Variants in STARD13 observed in about 807,000 individuals in gnomAD.
STARD13 encodes stAR-related lipid transfer protein 13.
In STARD13, 62 loss-of-function variants were observed where a neutral mutation model predicts 106.4. The observed-to-expected ratio is 0.58, with a 90% confidence interval of 0.48 to 0.72. STARD13 has a LOEUF of 0.72. Ranked by LOEUF, STARD13 falls within the 30% of genes least tolerant of loss-of-function variation. The pLI is 0.00. For missense variants in STARD13, 1,387 were observed against 1,424.0 expected (o/e 0.97, Z 0.42); for synonymous variants, 565 against 553.0 (o/e 1.02, Z -0.31).
At chr13:33,551,763 C>T in the STARD13 span, among the ~76,000 whole-genome samples, 1 of 151,440 alleles carries the variant, frequency 6.6e-6, no homozygotes, top group Non-Finnish European at 1.5e-5. Flanking sequence ...CATACTGGCT[C>T]ATTTTTGTAT....
At chr13:33,587,805 AG>A in the STARD13 span, among the ~76,000 whole-genome samples, 1 of 152,226 alleles carries the variant, frequency 6.6e-6, no homozygotes, top group Non-Finnish European at 1.5e-5. Context: ...GTTTGAACTG[AG>A]ATGTGCTTTC....
At chr13:33,485,214 A>C in the STARD13 span, among the ~76,000 whole-genome samples, 1 of 152,224 alleles carries the variant, frequency 6.6e-6, no homozygotes, top group Non-Finnish European at 1.5e-5. Context: ...ATAAGTAGAC[A>C]GCTAATAGTT....
the STARD13 span, among the ~76,000 whole-genome samples, chr13:33,662,142 A>G: frequency 6.6e-6 from 1 of 151,650 alleles, no homozygotes; most frequent in Non-Finnish European, 1.5e-5. Flanking sequence ...GGCGCCTATA[A>G]TCCCAGCTAC....
chr13:33,642,987 G>A, the STARD13 span, among the ~76,000 whole-genome samples: 6 of 152,122 alleles, frequency 3.9e-5, no homozygotes, highest in Admixed American at 2.6e-4. Flanking sequence ...TTAAGCAATC[G>A]CCCTGCAATG....
At chr13:33,359,879 A>G in the STARD13 span, among the ~76,000 whole-genome samples, 1 of 152,188 alleles carries the variant, frequency 6.6e-6, no homozygotes, top group South Asian at 2.1e-4. Flanking sequence ...TCATTCTTTA[A>G]AGTAATCTAG....
chr13:33,325,146 C>A (rs1381915220), intron 1 of STARD13, among the ~76,000 whole-genome samples: 2 of 152,066 alleles, frequency 1.3e-5, no homozygotes, highest in African/African-American at 4.8e-5. Flanking sequence ...TTATCACAGG[C>A]AGCTTGTCAT....
At chr13:33,261,016 C>T (rs1044097753) in intron 1 of STARD13, among the ~76,000 whole-genome samples, 11 of 152,178 alleles carry the variant, frequency 7.2e-5, no homozygotes, top group Admixed American at 1.3e-4. Context: ...TAACTATGAT[C>T]TAGTCATCTC....
chr13:33,527,026 G>A, the STARD13 span, among the ~76,000 whole-genome samples: 9 of 151,934 alleles, frequency 5.9e-5, no homozygotes, highest in South Asian at 2.1e-4. Context: ...ACAAGAAAGC[G>A]ACACAGCTAG....
the STARD13 span, among the ~76,000 whole-genome samples, chr13:33,565,897 T>A: frequency 6.7e-6 from 1 of 148,638 alleles, no homozygotes; most frequent in African/African-American, 2.5e-5. Context: ...AATTAATTAC[T>A]TTCTCCTTTA....
At chr13:33,635,697 C>T in the STARD13 span, among the ~76,000 whole-genome samples, 2 of 150,664 alleles carry the variant, frequency 1.3e-5, no homozygotes, top group East Asian at 4.0e-4. Flanking sequence ...AAACACTTAG[C>T]ACAGGCTGGG....
At chr13:33,219,603 G>A (rs1024968820) in intron 1 of STARD13, among the ~76,000 whole-genome samples, 3 of 150,432 alleles carry the variant, frequency 2.0e-5, no homozygotes, top group East Asian at 3.9e-4. Context: ...ATGCAGAGGC[G>A]GGAGGATCAC....
intron 1 of STARD13, among the ~76,000 whole-genome samples, chr13:33,184,252 C>T (rs868368093): frequency 2.0e-4 from 31 of 152,126 alleles, no homozygotes; most frequent in African/African-American, 6.5e-4. Flanking sequence ...TTTAGAGTTA[C>T]AGTGTGAGCT....
rs1178080303 is a variant in STARD13, at chr13:33,122,027, G to T, written c.2083-3764C>A. On this transcript the variant is annotated intron_variant, in intron 7 of 13. Coordinates refer to ENST00000336934, the MANE Select transcript of STARD13 (RefSeq NM_178006.4). The stretch of plus-strand genomic sequence containing the variant: ...TGCCCAGCTAACTTTTGTATTTTTA[G>T]TAGTGACAGGGTTTTACCATGTTGG... Among the ~76,000 whole-genome samples the T allele has an allele frequency of 5.3e-5, 8 of 152,242 alleles. No homozygotes were observed. In the East Asian group the frequency reaches 7.7e-4, roughly 15 times the overall value.
the STARD13 span, among the ~76,000 whole-genome samples, chr13:33,480,134 C>A: frequency 6.6e-6 from 1 of 152,164 alleles, no homozygotes; most frequent in Non-Finnish European, 1.5e-5. Flanking sequence ...TTATAACACA[C>A]ATATGCTATA....
chr13:33,130,044 C>G lies in STARD13; in HGVS notation c.633G>C (p.Gln211His), dbSNP rs771079342. Residue 211 changes from glutamine (Q) to histidine (H), a missense_variant, in exon 5 of 14, where the codon CAG becomes CAC. Gln to His is a conservative substitution (Grantham distance 24, BLOSUM62 0). Coordinates refer to ENST00000336934, the MANE Select transcript of STARD13 (RefSeq NM_178006.4). This position sits in a 1 kb window ranked among gnomAD's most constrained non-coding sequence, Gnocchi z 4.1. ...GGTTGTCTGTACAGCACTGGCCCGG[C>G]TGGCTGCGACTGTCGCTGCCTCCAC... ...ESSGGSDSRS[Q>H]PGQCCTDNPV... The G allele has an allele frequency of 1.2e-6, 2 of 1,613,556 alleles. No individual in the cohort carries two copies. The highest frequency in any genetic ancestry group is 1.7e-6 in the Non-Finnish European group (2 of 1,179,864).
intron 1 of STARD13, among the ~76,000 whole-genome samples, chr13:33,172,552 C>T (rs1032312014): frequency 6.6e-6 from 1 of 152,176 alleles, no homozygotes; most frequent in African/African-American, 2.4e-5. Context: ...GGTTTGCAGG[C>T]CTCATCTCAC....
the STARD13 span, among the ~76,000 whole-genome samples, chr13:33,670,195 A>G: frequency 4.8e-4 from 73 of 152,314 alleles, no homozygotes; most frequent in African/African-American, 1.7e-3. Context: ...GGCTTGGCAT[A>G]TAGTATGCCA....
At chr13:33,229,613 A>AC (rs1471532489) in intron 1 of STARD13, among the ~76,000 whole-genome samples, 2 of 152,236 alleles carry the variant, frequency 1.3e-5, no homozygotes, top group African/African-American at 4.8e-5. Flanking sequence ...GCGTGCACAC[A>AC]CACCACACAC....
At chr13:33,579,967 G>A in the STARD13 span, among the ~76,000 whole-genome samples, 347 of 152,158 alleles carry the variant, frequency 2.3e-3, 3 homozygotes, top group Middle Eastern at 0.024. Context: ...TGATGGAAAC[G>A]CAAAATGGTA....
Sources: allele counts gnomAD v4.1 joint callset (sites outside exome capture counted in the v4.1 genomes callset), GRCh38; gene constraint gnomAD v4.1.1; non-coding constraint Gnocchi (gnomAD v3.1); transcripts MANE v1.5; gene names NCBI Gene and HGNC (gene_info 2026-07-23, HGNC 2026-07-21).